ADORA1: variants seen among roughly 807,000 people sequenced by gnomAD.
ADORA1 encodes the protein adenosine receptor A1.
In ADORA1, 6 loss-of-function variants were observed where a neutral mutation model predicts 19.9. The observed-to-expected ratio is 0.30, with a 90% CI of 0.17 to 0.59. ADORA1 has a LOEUF of 0.59. ADORA1 is among the 20% of genes least tolerant of loss of function. ADORA1 has a pLI of 0.87. For synonymous variants in ADORA1, 194 were observed against 188.4 expected (o/e 1.03, Z -0.24); for missense variants, 302 against 439.2 (o/e 0.69, Z 2.79).
At chr1:203,158,223 T>TTTG (rs1655255877) in intron 3 of ADORA1, among the ~76,000 whole-genome samples, 1 of 152,224 alleles carries the variant, frequency 6.6e-6, no homozygotes, top group Non-Finnish European at 1.5e-5. Context: ...CCTTGAATGT[T>TTTG]TTGTTGTTTG....
intron 3 of ADORA1, among the ~76,000 whole-genome samples, chr1:203,163,494 C>G (rs1358106104): frequency 1.3e-5 from 2 of 152,152 alleles, no homozygotes; most frequent in Non-Finnish European, 2.9e-5. Flanking sequence ...GTGCACTGGT[C>G]ACCTCTCAAG....
chr1:203,128,836 C>T lies in ADORA1; in HGVS notation c.-6C>T, dbSNP rs1654238077. On this transcript the variant is annotated 5_prime_UTR_variant, in exon 3 of 4. Transcript: ENST00000337894. The surrounding 1 kb of genome is among the most constrained non-coding windows in gnomAD (Gnocchi z 5.9). ...CGTCTGCTGATGTGCCCAGCCTGTG[C>T]CCGCCATGCCGCCCTCCATCTCAGC... 1 of 1,584,930 alleles carries T rather than the reference C, an allele frequency of 6.3e-7. No homozygotes were observed. Among genetic ancestry groups the T allele is most frequent in the South Asian group, 1.1e-5 (1 of 87,276 alleles).
At chr1:203,159,880 C>T (rs1655308220) in intron 3 of ADORA1, among the ~76,000 whole-genome samples, 1 of 152,246 alleles carries the variant, frequency 6.6e-6, no homozygotes, top group Non-Finnish European at 1.5e-5. Flanking sequence ...GTGAACAGGT[C>T]ATTCTGATGG....
intron 3 of ADORA1, among the ~76,000 whole-genome samples, chr1:203,146,294 C>T (rs1654856671): frequency 6.6e-6 from 1 of 152,118 alleles, no homozygotes; most frequent in African/African-American, 2.4e-5. Context: ...CTTCCCTTCG[C>T]CACTGTCTTC....
intron 3 of ADORA1, among the ~76,000 whole-genome samples, chr1:203,164,441 A>G (rs1655468004): frequency 6.6e-6 from 1 of 152,254 alleles, no homozygotes; most frequent in African/African-American, 2.4e-5. Context: ...GCGTAAATGC[A>G]TGAATGAATG....
chr1:203,154,143 C>G lies in ADORA1; in HGVS notation c.342-11118C>G, dbSNP rs149873185. 5.1e-3 allele frequency among the ~76,000 whole-genome samples: 771 copies of G among 152,300 alleles called. 9 individuals carry two copies. Among genetic ancestry groups the G allele is most frequent in the South Asian group, 0.03 (145 of 4,824 alleles). The stretch of plus-strand genomic sequence containing the variant: ...GACGGCCAGGCCTGAGGACCCTGCT[C>G]TGGTCTCAGCAGTTGACAGGACACT... On this transcript the variant is annotated intron_variant, in intron 3 of 3. Transcript: ENST00000337894.
At position 203,128,674 on chromosome 1, in the gene ADORA1, C is replaced by T; in HGVS notation, c.-57-111C>T. 1.6e-6 allele frequency: 2 copies of T among 1,286,880 alleles called. No individual in the cohort carries two copies. The highest frequency in any genetic ancestry group is 2.1e-6 in the Non-Finnish European group (2 of 959,216). The allele number at this position is 1,286,880 out of a possible 1,614,324, so 79.7% of individuals were successfully genotyped here. On this transcript the variant is annotated intron_variant, in intron 2 of 3. Coordinates refer to ENST00000337894, the MANE Select transcript of ADORA1 (RefSeq NM_000674.3). The surrounding 1 kb of genome is among the most constrained non-coding windows in gnomAD (Gnocchi z 5.9). ...GGTGCCCCTCCAGCCTGGGTAGGAG[C>T]TGCATGTGACAAGTGGGACACATCA...
chr1:203,148,849 C>T (rs971034243), intron 3 of ADORA1, among the ~76,000 whole-genome samples: 2 of 152,048 alleles, frequency 1.3e-5, no homozygotes, highest in African/African-American at 2.4e-5. Flanking sequence ...TGCCTGGTGG[C>T]GTTCCCCAAG....
In ADORA1 at chr1:203,138,642, T is replaced by C. The variant is rs146029776; in HGVS notation, c.341+9460T>C. ...ATTGGTGACCTTGACAAGGGCAATGTCAAAGGAGTGATGGGGGCAACGCCT... is the reference window on the plus strand; with the variant it reads ...ATTGGTGACCTTGACAAGGGCAATGCCAAAGGAGTGATGGGGGCAACGCCT... On this transcript the variant is annotated intron_variant, in intron 3 of 3. Transcript: ENST00000337894. Among the ~76,000 whole-genome samples, 189 of 152,166 alleles carry C rather than the reference T, an allele frequency of 1.2e-3. 1 individual carries two copies. The highest frequency in any genetic ancestry group is 4.3e-3 in the African/African-American group (177 of 41,492).
Position 203,165,002 on chromosome 1 carries a change from CTG to C in ADORA1, c.342-256_342-255del. The C allele has an allele frequency of 6.6e-7, 1 of 1,526,380 alleles. No individual in the cohort carries two copies. The highest frequency in any genetic ancestry group is 8.8e-7 in the Non-Finnish European group (1 of 1,135,646). 94.6% of individuals were successfully genotyped at this position (1,526,380 alleles called of 1,614,324 possible). A position where few individuals can be genotyped will look rare whatever the true frequency, so the allele number is the denominator to read the frequency against. ...CCTTGAAATTCATAAAGGAGCTCCTCTGTGATTTTCTATTATTATTTTTGTCA... is the reference window on the plus strand; with the variant it reads ...CCTTGAAATTCATAAAGGAGCTCCTCTGATTTTCTATTATTATTTTTGTCA... On this transcript the variant is annotated intron_variant, in intron 3 of 3. Coordinates refer to ENST00000337894, the MANE Select transcript of ADORA1 (RefSeq NM_000674.3). This position sits in a 1 kb window ranked among gnomAD's most constrained non-coding sequence, Gnocchi z 5.9.
Position 203,166,247 on chromosome 1 carries a change from C to T in ADORA1, c.*347C>T, listed in dbSNP as rs41264025. 9,762 of 220,146 alleles carry T rather than the reference C, an allele frequency of 0.044. 275 individuals are homozygous for T. The highest frequency in any genetic ancestry group is 0.073 in the South Asian group (404 of 5,516). The allele number at this position is 220,146 out of a possible 1,614,324, so 13.6% of individuals were successfully genotyped here. A position where few individuals can be genotyped will look rare whatever the true frequency, so the allele number is the denominator to read the frequency against. On this transcript the variant is annotated 3_prime_UTR_variant, in exon 4 of 4. Coordinates refer to ENST00000337894, the MANE Select transcript of ADORA1 (RefSeq NM_000674.3). ...GGAGGCTGAGACTGCAGAGGAGCCA[C>T]CTGGGCTGGGAGAAGGTGCTTGGGC...
chr1:203,143,559 T>TGTG lies in ADORA1; in HGVS notation c.341+14377_341+14378insGTG, dbSNP rs34636136. 3.8e-3 allele frequency among the ~76,000 whole-genome samples: 579 copies of TGTG among 150,996 alleles called. 4 individuals are homozygous for TGTG. The highest frequency in any genetic ancestry group is 9.1e-3 in the South Asian group (42 of 4,630). On this transcript the variant is annotated intron_variant, in intron 3 of 3. Coordinates refer to ENST00000337894, the MANE Select transcript of ADORA1 (RefSeq NM_000674.3). ...CACACCTGTGTGTGTGTGTGTGTGT[T>TGTG]TGTGTGTGCAGGGGGTTATAGCTTT...
In ADORA1 at chr1:203,165,902, C is replaced by A. The variant is rs375908464; in HGVS notation, c.*2C>A. The A allele has an allele frequency of 4.0e-5, 62 of 1,545,658 alleles. No individual in the cohort carries two copies. The East Asian group carries it at 1.2e-3, about 29-fold the overall frequency. ...CCAGAAGAGAGGCCTGATGACTAGACCCCGCCTTCCGCTCCCACCAGCCCA... is the reference window on the plus strand; with the variant it reads ...CCAGAAGAGAGGCCTGATGACTAGAACCCGCCTTCCGCTCCCACCAGCCCA... On this transcript the variant is annotated 3_prime_UTR_variant, in exon 4 of 4. Transcript: ENST00000337894. The surrounding 1 kb of genome is among the most constrained non-coding windows in gnomAD (Gnocchi z 5.9).
chr1:203,146,422 A>G (rs531705463), intron 3 of ADORA1, among the ~76,000 whole-genome samples: 1 of 152,154 alleles, frequency 6.6e-6, no homozygotes, highest in Non-Finnish European at 1.5e-5. Flanking sequence ...TGAACCCAGG[A>G]GTTTGAGACC....
rs1454341153 is a variant in ADORA1, at chr1:203,165,378, G to T, written c.459G>T (p.Glu153Asp). The change falls in exon 4 of 4, where the codon GAG becomes GAT. Residue 153 changes from glutamate to aspartate, a missense_variant. Transcript: ENST00000337894. The surrounding 1 kb of genome is among the most constrained non-coding windows in gnomAD (Gnocchi z 5.9). ...MFGWNNLSAVERAWAANGSMG... is the reference protein window; with the variant it reads ...MFGWNNLSAVDRAWAANGSMG... Reference sequence around the variant, plus strand: ...GCTGGAACAATCTGAGTGCGGTGGAGCGGGCCTGGGCAGCCAACGGCAGCA... The same window carrying T: ...GCTGGAACAATCTGAGTGCGGTGGATCGGGCCTGGGCAGCCAACGGCAGCA... 5 of 1,601,608 alleles carry T rather than the reference G, an allele frequency of 3.1e-6. No individual in the cohort carries two copies. Among genetic ancestry groups the T allele is most frequent in the Non-Finnish European group, 4.3e-6 (5 of 1,173,900 alleles).
Position 203,128,053 on chromosome 1 carries a change from G to A in ADORA1, c.-213+125G>A, listed in dbSNP as rs1468991912. The stretch of plus-strand genomic sequence containing the variant: ...CAAGGTTCCCCGACAGAGCTGGAAC[G>A]GGACCAGAGGACTGCTAAGATCCAG... On this transcript the variant is annotated intron_variant, in intron 1 of 3. Coordinates refer to ENST00000337894, the MANE Select transcript of ADORA1 (RefSeq NM_000674.3). The surrounding 1 kb of genome is among the most constrained non-coding windows in gnomAD (Gnocchi z 5.9). 4.0e-6 allele frequency: 1 copy of A among 247,878 alleles called. No individual in the cohort carries two copies. The highest frequency in any genetic ancestry group is 8.2e-6 in the Non-Finnish European group (1 of 122,400). The allele number at this position is 247,878 out of a possible 1,614,324, so 15.4% of individuals were successfully genotyped here. A position where few individuals can be genotyped will look rare whatever the true frequency, so the allele number is the denominator to read the frequency against.
chr1:203,165,924 C>A lies in ADORA1; in HGVS notation c.*24C>A. 6.5e-7 allele frequency: 1 copy of A among 1,530,306 alleles called. No individual in the cohort carries two copies. The allele number at this position is 1,530,306 out of a possible 1,614,324, so 94.8% of individuals were successfully genotyped here. ...AGACCCCGCCTTCCGCTCCCACCAG[C>A]CCACATCCAGTGGGGTCTCAGTCCA... On this transcript the variant is annotated 3_prime_UTR_variant, in exon 4 of 4. Coordinates refer to ENST00000337894, the MANE Select transcript of ADORA1 (RefSeq NM_000674.3). The surrounding 1 kb of genome is among the most constrained non-coding windows in gnomAD (Gnocchi z 5.9).
chr1:203,128,414 C>T lies in ADORA1; in HGVS notation c.-76C>T. ...TTGGGCACTGCCTCTGGGACCCCTG[C>T]CGGCCAGCAGGCAGGATGGTGAGCT... On this transcript the variant is annotated 5_prime_UTR_variant, in exon 2 of 4. Transcript: ENST00000337894. This position sits in a 1 kb window ranked among gnomAD's most constrained non-coding sequence, Gnocchi z 5.9. 1 of 1,292,460 alleles carries T rather than the reference C, an allele frequency of 7.7e-7. No homozygotes were observed. The highest frequency in any genetic ancestry group is 1.0e-6 in the Non-Finnish European group (1 of 990,982). The allele number at this position is 1,292,460 out of a possible 1,614,324, so 80.1% of individuals were successfully genotyped here. A position where few individuals can be genotyped will look rare whatever the true frequency, so the allele number is the denominator to read the frequency against.
At chr1:203,146,187 G>A (rs1159931381) in intron 3 of ADORA1, among the ~76,000 whole-genome samples, 2 of 152,156 alleles carry the variant, frequency 1.3e-5, no homozygotes, top group African/African-American at 4.8e-5. Context: ...CCTACATGTT[G>A]GGCATCTCCT....
Sources: allele counts gnomAD v4.1 joint callset (sites outside exome capture counted in the v4.1 genomes callset), GRCh38; gene constraint gnomAD v4.1.1; non-coding constraint Gnocchi (gnomAD v3.1); transcripts MANE v1.5; gene names NCBI Gene and HGNC (gene_info 2026-07-23, HGNC 2026-07-21).